Variants in FUT9 observed in about 807,000 individuals in gnomAD.
FUT9 encodes fucosyltransferase 9.
A neutral mutation model predicts 29.7 loss-of-function variants in FUT9; 15 were observed. That is an observed-to-expected ratio of 0.51 (90% CI 0.34 to 0.78). The LOEUF (loss-of-function observed/expected upper bound fraction) is 0.78, where lower values mean the gene tolerates loss of function less well. Ranked by LOEUF, FUT9 falls within the 30% of genes least tolerant of loss-of-function variation. The probability of loss-of-function intolerance (pLI) is 0.01; values close to 1 mark genes in which losing one functional copy is unlikely to be tolerated. For synonymous variants in FUT9, 169 were observed against 153.7 expected (o/e 1.10, Z -0.74); for missense variants, 319 against 425.4 (o/e 0.75, Z 2.20).
chr6:96,062,310 G>A (rs1466228914), intron 1 of FUT9, among the ~76,000 whole-genome samples: 1 of 152,026 alleles, frequency 6.6e-6, no homozygotes, highest in Non-Finnish European at 1.5e-5. Flanking sequence ...GATATAGGAA[G>A]TAAATGAGTG....
At chr6:96,123,060 CAAAAAAAAAAAAAAAAAAAA>C (rs56330234) in intron 2 of FUT9, among the ~76,000 whole-genome samples, 2 of 64,970 alleles carry the variant, frequency 3.1e-5, no homozygotes, top group African/African-American at 1.4e-4. Context: ...GACTCAGTCT[CAAAAAAAAAAAAAAAAAAAA>C]AAAAAAAAAA....
intron 2 of FUT9, among the ~76,000 whole-genome samples, chr6:96,161,383 A>G (rs1772898947): frequency 6.6e-6 from 1 of 152,164 alleles, no homozygotes; most frequent in African/African-American, 2.4e-5. Context: ...CAGCACCTTA[A>G]TCTTGGACTT....
chr6:96,086,474 T>G (rs1336409592), intron 1 of FUT9, among the ~76,000 whole-genome samples: 1 of 152,200 alleles, frequency 6.6e-6, no homozygotes, highest in African/African-American at 2.4e-5. Context: ...AACTCATTTC[T>G]CATCTTTAAA....
chr6:96,187,693 A>G (rs1300018192), intron 2 of FUT9, among the ~76,000 whole-genome samples: 1 of 152,144 alleles, frequency 6.6e-6, no homozygotes, highest in Non-Finnish European at 1.5e-5. Flanking sequence ...CAGGGAGGGA[A>G]TTCTTTATTT....
chr6:96,026,281 T>C (rs1269083751), intron 1 of FUT9, among the ~76,000 whole-genome samples: 2 of 151,716 alleles, frequency 1.3e-5, no homozygotes, highest in East Asian at 3.9e-4. Flanking sequence ...TTCCTACTGA[T>C]GGAATGCATT....
At chr6:96,168,095 A>C (rs535274771) in intron 2 of FUT9, among the ~76,000 whole-genome samples, 1 of 152,344 alleles carries the variant, frequency 6.6e-6, no homozygotes, top group African/African-American at 2.4e-5. Context: ...AGATAGAGAA[A>C]GAAACAAGTG....
chr6:96,034,061 A>C (rs375130353), intron 1 of FUT9, among the ~76,000 whole-genome samples: 2 of 151,612 alleles, frequency 1.3e-5, no homozygotes. Context: ...AGCCCTATAC[A>C]GTGCTGGATA....
intron 1 of FUT9, among the ~76,000 whole-genome samples, chr6:96,038,715 G>A (rs750706718): frequency 5.9e-5 from 9 of 152,136 alleles, no homozygotes; most frequent in Non-Finnish European, 1.3e-4. Flanking sequence ...TCAGGATAGT[G>A]TTTGAATAGC....
chr6:96,167,613 T>C (rs1202604213), intron 2 of FUT9, among the ~76,000 whole-genome samples: 1 of 152,208 alleles, frequency 6.6e-6, no homozygotes, highest in East Asian at 1.9e-4. Flanking sequence ...CTCTTGTAGT[T>C]TCTATTTTAG....
At chr6:96,057,957 T>A (rs1770802555) in intron 1 of FUT9, among the ~76,000 whole-genome samples, 1 of 152,174 alleles carries the variant, frequency 6.6e-6, no homozygotes, top group Non-Finnish European at 1.5e-5. Context: ...AGACAAGCCT[T>A]CAGCCTCTCC....
chr6:96,120,742 A>C (rs1772013854), intron 2 of FUT9, among the ~76,000 whole-genome samples: 1 of 151,390 alleles, frequency 6.6e-6, no homozygotes, highest in Admixed American at 6.6e-5. Context: ...TTTAGGAGTA[A>C]TTGGGGTAGC....
At chr6:96,130,743 A>G (rs1449479884) in intron 2 of FUT9, among the ~76,000 whole-genome samples, 11 of 152,202 alleles carry the variant, frequency 7.2e-5, no homozygotes, top group Admixed American at 6.5e-4. Flanking sequence ...CATGTTTTCC[A>G]ACTTAGTTTG....
chr6:96,141,555 G>T (rs1335062632), intron 2 of FUT9, among the ~76,000 whole-genome samples: 2 of 152,172 alleles, frequency 1.3e-5, no homozygotes, highest in Non-Finnish European at 2.9e-5. Context: ...TAGGTCAAAA[G>T]AGAGGAAGGT....
chr6:96,094,555 T>C (rs145689065), intron 1 of FUT9, among the ~76,000 whole-genome samples: 221 of 152,276 alleles, frequency 1.5e-3, no homozygotes, highest in African/African-American at 5.2e-3. Flanking sequence ...AAGTAATTCA[T>C]GCAGAGCATA....
chr6:96,105,356 C>T (rs1771658818), intron 1 of FUT9, among the ~76,000 whole-genome samples: 2 of 151,968 alleles, frequency 1.3e-5, no homozygotes, highest in Non-Finnish European at 2.9e-5. Context: ...CTTTTTCTTT[C>T]CCAGAACATT....
chr6:96,204,134 C>A lies in FUT9; in HGVS notation c.979C>A (p.Pro327Thr), dbSNP rs1254643080. 1 of 1,495,656 alleles carries A rather than the reference C, an allele frequency of 6.7e-7. No individual in the cohort carries two copies. Among genetic ancestry groups the A allele is most frequent in the African/African-American group, 1.4e-5 (1 of 71,502 alleles). 92.6% of individuals were successfully genotyped at this position (1,495,656 alleles called of 1,614,324 possible). A position where few individuals can be genotyped will look rare whatever the true frequency, so the allele number is the denominator to read the frequency against. The change falls in exon 3 of 3, where the codon CCA becomes ACA. Residue 327 changes from proline to threonine, a missense_variant. Coordinates refer to ENST00000302103, the MANE Select transcript of FUT9 (RefSeq NM_006581.4). ...GAGGAAGGATTTCACTGTAAATCTT[C>A]CACGATTTTGGGAATCACATGCATG... The part of the protein sequence containing the change: ...NWRKDFTVNL[P>T]RFWESHACLA...
intron 2 of FUT9, among the ~76,000 whole-genome samples, chr6:96,146,102 G>A (rs752501931): frequency 6.6e-6 from 1 of 152,124 alleles, no homozygotes; most frequent in Non-Finnish European, 1.5e-5. Context: ...ACCTCCCAGA[G>A]TGTTGGGATT....
intron 1 of FUT9, among the ~76,000 whole-genome samples, chr6:96,030,480 G>C (rs1246074047): frequency 1.3e-5 from 2 of 151,512 alleles, no homozygotes; most frequent in East Asian, 3.9e-4. Context: ...ACCTTACCAA[G>C]TCCGAGTGAA....
chr6:96,126,093 G>A (rs1444749451), intron 2 of FUT9, among the ~76,000 whole-genome samples: 3 of 151,936 alleles, frequency 2.0e-5, no homozygotes, highest in Non-Finnish European at 2.9e-5. Flanking sequence ...CTCTCATGTC[G>A]GCGCAGGTTA....
Sources: gnomAD v4.1 joint callset for allele counts (sites outside exome capture counted in the v4.1 genomes callset) on GRCh38, gnomAD v4.1.1 for gene constraint, MANE v1.5 for transcripts, NCBI Gene and HGNC (gene_info 2026-07-23, HGNC 2026-07-21) for gene names.